Variants in ZSCAN1 observed in about 807,000 individuals in gnomAD.
ZSCAN1 encodes the protein zinc finger and SCAN domain containing 1.
In ZSCAN1, 23 loss-of-function variants were observed where a neutral mutation model predicts 23.8. The observed-to-expected ratio is 0.97, with a 90% CI of 0.70 to 1.37. ZSCAN1 has a LOEUF of 1.37. Among genes scored for constraint, ZSCAN1 ranks in the 40% most tolerant of loss-of-function variants. The pLI is 0.00. For synonymous variants in ZSCAN1, 236 were observed against 232.3 expected, an observed-to-expected ratio of 1.02 and a Z score of -0.15; for missense variants, 575 against 554.0, an observed-to-expected ratio of 1.04 and a Z score of -0.38.
In ZSCAN1 at chr19:58,053,634, TG is replaced by T. The variant is rs905253784; in HGVS notation, c.812del (p.Gly271ValfsTer11). 50 of 1,613,772 alleles carry T rather than the reference TG, an allele frequency of 3.1e-5. No homozygotes were observed. The highest frequency in any genetic ancestry group is 3.8e-5 in the Non-Finnish European group (45 of 1,179,974). On this transcript the variant is annotated frameshift_variant, in exon 6 of 6. Transcript: ENST00000282326. LOFTEE classifies it low-confidence loss of function (END_TRUNC). This position sits in a 1 kb window ranked among gnomAD's most constrained non-coding sequence, Gnocchi z 5.8. ...HQPSLKHTKGGTQEAVAGISV... is the reference protein window; with the variant it reads ...HQPSLKHTKGXTQEAVAGISV... ...AGCCATCCCTCAAGCACACCAAAGG[TG>T]GTACCCAAGAGGCTGTTGCAGGCAT... is the stretch of plus-strand genomic sequence containing the variant.
Position 58,040,117 on chromosome 19 carries a change from C to A in ZSCAN1, c.371-333C>A, listed in dbSNP as rs1040568139. The stretch of plus-strand genomic sequence containing the variant: ...TCCTCTGTGCACTCTGTGCACACAG[C>A]CCCGGGGGGCTTGGGGAGCAGAGGG... On this transcript the variant is annotated intron_variant, in intron 3 of 5. Coordinates refer to ENST00000282326, the MANE Select transcript of ZSCAN1 (RefSeq NM_182572.4). This position sits in a 1 kb window ranked among gnomAD's most constrained non-coding sequence, Gnocchi z 5.8. 6.6e-6 allele frequency among the ~76,000 whole-genome samples: 1 copy of A among 152,224 alleles called. No homozygotes were observed. Among genetic ancestry groups the A allele is most frequent in the African/African-American group, 2.4e-5 (1 of 41,460 alleles).
intron 4 of ZSCAN1, among the ~76,000 whole-genome samples, 196 bp from the exon 5 acceptor site, chr19:58,052,294 G>T (rs989366421): frequency 1.3e-5 from 2 of 152,254 alleles, no homozygotes; most frequent in African/African-American, 4.8e-5. Flanking sequence ...TGTTGCCCAG[G>T]CTGGTCCCAA....
chr19:58,052,434 G>A, intron 4 of ZSCAN1, 56 bp from the exon 5 acceptor site: 2 of 1,611,766 alleles, frequency 1.2e-6, no homozygotes, highest in Non-Finnish European at 1.7e-6. Context: ...CGGTGGTGGT[G>A]GGGAGGATGG....
In ZSCAN1 at chr19:58,046,242, G is replaced by T. The variant is rs73938594; in HGVS notation, c.465+5698G>T. 1,226 of 774,390 alleles carry T rather than the reference G, an allele frequency of 1.6e-3. 14 individuals are homozygous for T. In the African/African-American group the frequency reaches 0.017, roughly 11 times the overall value. 48.0% of individuals were successfully genotyped at this position (774,390 alleles called of 1,614,324 possible). ...GCTCTAAGCTGCAGGAACAGAAGAAGTCACTCACCAGGAAGAAGGAGGAGC... is the reference window on the plus strand; with the variant it reads ...GCTCTAAGCTGCAGGAACAGAAGAATTCACTCACCAGGAAGAAGGAGGAGC... On this transcript the variant is annotated intron_variant, in intron 4 of 5. Coordinates refer to ENST00000282326, the MANE Select transcript of ZSCAN1 (RefSeq NM_182572.4).
At chr19:58,056,224 C>G (rs1040633832), downstream of ZSCAN1, among the ~76,000 whole-genome samples, 2 of 152,222 alleles carry the variant, frequency 1.3e-5, no homozygotes, top group African/African-American at 4.8e-5. Flanking sequence ...AAGACAAAGC[C>G]CAGCAGGGTA....
chr19:58,055,135 G>A (rs1315563884), downstream of ZSCAN1, among the ~76,000 whole-genome samples: 2 of 152,208 alleles, frequency 1.3e-5, no homozygotes, highest in African/African-American at 4.8e-5. Flanking sequence ...GAAACACAGT[G>A]TTGGGCTGAC....
intron 3 of ZSCAN1, 40 bp downstream of exon 3, chr19:58,038,246 G>A (rs749239514): frequency 3.8e-6 from 6 of 1,567,918 alleles, no homozygotes; most frequent in African/African-American, 1.3e-5. Flanking sequence ...CGGGCCAGGG[G>A]GCCTGACGTC....
Position 58,045,752 on chromosome 19 carries a change from GC to G in ZSCAN1, c.465+5210del. 7.0e-7 allele frequency: 1 copy of G among 1,428,158 alleles called. No individual in the cohort carries two copies. Among genetic ancestry groups the G allele is most frequent in the Non-Finnish European group, 9.9e-7 (1 of 1,011,918 alleles). 88.5% of individuals were successfully genotyped at this position (1,428,158 alleles called of 1,614,324 possible). On this transcript the variant is annotated intron_variant, in intron 4 of 5. Coordinates refer to ENST00000282326, the MANE Select transcript of ZSCAN1 (RefSeq NM_182572.4). The surrounding 1 kb of genome is among the most constrained non-coding windows in gnomAD (Gnocchi z 4.3). Reference sequence around the variant, plus strand: ...GGCGTCAGGGAAAACCACCTGAGGGGCCAGCTGAAGCAGTGGCTGGACCTGC... The same window carrying G: ...GGCGTCAGGGAAAACCACCTGAGGGGCAGCTGAAGCAGTGGCTGGACCTGC...
At chr19:58,039,939 G>T (rs535637692) in intron 3 of ZSCAN1, among the ~76,000 whole-genome samples, 288 of 152,010 alleles carry the variant, frequency 1.9e-3, no homozygotes, top group Non-Finnish European at 3.6e-3. Flanking sequence ...TTGCTGTGTT[G>T]CCCAGGCTGC....
chr19:58,039,638 G>T (rs770875695), intron 3 of ZSCAN1, among the ~76,000 whole-genome samples: 2 of 151,978 alleles, frequency 1.3e-5, no homozygotes, highest in Non-Finnish European at 2.9e-5. Context: ...GTGGTGGCGC[G>T]TGCCTATATT....
Position 58,051,817 on chromosome 19 carries a change from A to G in ZSCAN1, c.466-673A>G, listed in dbSNP as rs544617742. On this transcript the variant is annotated intron_variant, in intron 4 of 5. Transcript: ENST00000282326. ...ATCCTCACTGGAAACCCAGAGAGCT[A>G]AAGCTCCTCATCCAGGGCCACACAA... Among the ~76,000 whole-genome samples, 440 of 152,346 alleles carry G rather than the reference A, an allele frequency of 2.9e-3. 1 individual carries two copies. Among genetic ancestry groups the G allele is most frequent in the African/African-American group, 9.0e-3 (376 of 41,586 alleles).
intron 4 of ZSCAN1, among the ~76,000 whole-genome samples, chr19:58,043,445 A>C (rs2073803709): frequency 1.3e-5 from 2 of 152,158 alleles, no homozygotes; most frequent in African/African-American, 2.4e-5. Flanking sequence ...AAGATAAAAA[A>C]CAGTACACTT....
rs2073868672 is a variant in ZSCAN1 at position 58,053,033 on chromosome 19, C to T, written c.605-396C>T. ...GGAGTGCAGTGGTGTGATCTTGGCT[C>T]ATTGCAACCTCCGCCTCCTGGGTTC... On this transcript the variant is annotated intron_variant, in intron 5 of 5. Coordinates refer to ENST00000282326, the MANE Select transcript of ZSCAN1 (RefSeq NM_182572.4). This position sits in a 1 kb window ranked among gnomAD's most constrained non-coding sequence, Gnocchi z 5.8. Among the ~76,000 whole-genome samples, 1 of 151,034 alleles carries T rather than the reference C, an allele frequency of 6.6e-6. No homozygotes were observed. Among genetic ancestry groups the T allele is most frequent in the Admixed American group, 6.6e-5 (1 of 15,166 alleles).
chr19:58,044,318 T>TAAAC (rs10683022), intron 4 of ZSCAN1, among the ~76,000 whole-genome samples: 133,831 of 151,668 alleles, frequency 0.88, 59,788 homozygotes, highest in African/African-American at 0.93. Context: ...TTAAAATAAA[T>TAAAC]AAATGATACA....
chr19:58,034,984 G>C (rs966776662), intron 1 of ZSCAN1, among the ~76,000 whole-genome samples: 2 of 151,852 alleles, frequency 1.3e-5, no homozygotes, highest in African/African-American at 4.8e-5. Context: ...GGCATCAGCG[G>C]CAAAGCCCTT....
At position 58,045,077 on chromosome 19, in the gene ZSCAN1, C is replaced by A; in HGVS notation, c.465+4533C>A. On this transcript the variant is annotated intron_variant, in intron 4 of 5. Coordinates refer to ENST00000282326, the MANE Select transcript of ZSCAN1 (RefSeq NM_182572.4). The surrounding 1 kb of genome is among the most constrained non-coding windows in gnomAD (Gnocchi z 4.3). The stretch of plus-strand genomic sequence containing the variant: ...GGGTGCTGGGCGAGCTGAGGCACTA[C>A]TACCATGGCTTCCGCCTGCTACGGA... The A allele has an allele frequency of 8.4e-7, 1 of 1,192,310 alleles. No individual in the cohort carries two copies. Among genetic ancestry groups the A allele is most frequent in the Non-Finnish European group, 1.3e-6 (1 of 799,136 alleles). 73.9% of individuals were successfully genotyped at this position (1,192,310 alleles called of 1,614,324 possible). A position where few individuals can be genotyped will look rare whatever the true frequency, so the allele number is the denominator to read the frequency against.
chr19:58,034,323 G>A (rs1387156799), intron 1 of ZSCAN1, among the ~76,000 whole-genome samples, 162 bp downstream of exon 1: 3 of 150,096 alleles, frequency 2.0e-5, no homozygotes, highest in South Asian at 2.1e-4. Flanking sequence ...GGGGCGGGCC[G>A]GGCCGGGGTT....
At chr19:58,055,030 C>G (rs1333763726), downstream of ZSCAN1, among the ~76,000 whole-genome samples, 1 of 152,190 alleles carries the variant, frequency 6.6e-6, no homozygotes, top group Non-Finnish European at 1.5e-5. Context: ...GCTTCTCACC[C>G]GTCCCCAACT....
Position 58,045,638 on chromosome 19 carries a change from A to G in ZSCAN1, c.465+5094A>G. On this transcript the variant is annotated intron_variant, in intron 4 of 5. Transcript: ENST00000282326. This position sits in a 1 kb window ranked among gnomAD's most constrained non-coding sequence, Gnocchi z 4.3. ...ATGCGGCTGCGCTCCATAAAGGCAG[A>G]GGACAAGCTGTTTGCTGAGGAAGGG... is the stretch of plus-strand genomic sequence containing the variant. 1 of 939,504 alleles carries G rather than the reference A, an allele frequency of 1.1e-6. No individual in the cohort carries two copies. Among genetic ancestry groups the G allele is most frequent in the East Asian group, 2.4e-5 (1 of 41,968 alleles). 58.2% of individuals were successfully genotyped at this position (939,504 alleles called of 1,614,324 possible).
Sources: gnomAD v4.1 joint callset for allele counts (sites outside exome capture counted in the v4.1 genomes callset) on GRCh38, gnomAD v4.1.1 for gene constraint, Gnocchi (gnomAD v3.1) non-coding constraint, MANE v1.5 for transcripts, NCBI Gene and HGNC (gene_info 2026-07-23, HGNC 2026-07-21) for gene names.